Variants in GPHN observed in about 807,000 individuals in gnomAD.
GPHN encodes gephyrin.
GPHN carries 17 observed loss-of-function variants against 95.5 expected under a neutral mutation model. That is an observed-to-expected ratio of 0.18 (90% CI 0.12 to 0.27). The LOEUF is 0.27. Ranked by LOEUF, GPHN falls within the 10% of genes least tolerant of loss-of-function variation. GPHN has a pLI of 1.00. For missense variants in GPHN, 660 were observed against 978.1 expected, an observed-to-expected ratio of 0.67 and a Z score of 4.34; for synonymous variants, 320 against 322.5, an observed-to-expected ratio of 0.99 and a Z score of 0.08.
chr14:67,151,834 C>CTGT (rs978706101), intron 18 of GPHN, among the ~76,000 whole-genome samples: 1 of 151,888 alleles, frequency 6.6e-6, no homozygotes, highest in Non-Finnish European at 1.5e-5. Flanking sequence ...AGTAGAGATG[C>CTGT]TGTTTCACCA....
At chr14:67,568,338 G>A in the GPHN span, among the ~76,000 whole-genome samples, 1 of 149,824 alleles carries the variant, frequency 6.7e-6, no homozygotes, top group African/African-American at 2.5e-5. Flanking sequence ...GCAAACTAAC[G>A]TAGGAACAAG....
chr14:67,102,439 T>A (rs1019312953), intron 13 of GPHN, among the ~76,000 whole-genome samples: 3 of 151,916 alleles, frequency 2.0e-5, no homozygotes, highest in African/African-American at 4.8e-5. Context: ...GGCGGGCAGA[T>A]AACCTGAGTT....
Position 66,824,522 on chromosome 14 carries a change from A to G in GPHN, c.250A>G (p.Thr84Ala). 1 of 1,596,362 alleles carries G rather than the reference A, an allele frequency of 6.3e-7. No individual in the cohort carries two copies. Among genetic ancestry groups the G allele is most frequent in the Non-Finnish European group, 8.6e-7 (1 of 1,164,016 alleles). Residue 84 changes from threonine to alanine, a missense_variant, in exon 4 of 23, where the codon ACA (threonine) becomes GCA (alanine). By Grantham distance (58) the Thr-to-Ala change is moderately conservative. Coordinates refer to ENST00000478722, the MANE Select transcript of GPHN (RefSeq NM_020806.5). ...CDEKELNLIL[T>A]TGGTGFAPRD... is the part of the protein sequence containing the mutation. ...TGAAAAGGAACTTAATTTGATATTA[A>G]CAACTGGAGGAACAGGATTTGCACC... is the stretch of plus-strand genomic sequence containing the variant.
In GPHN at chr14:66,970,776, C is replaced by T. The variant is rs145191295; in HGVS notation, c.963+5451C>T. Reference sequence around the variant, plus strand: ...AATGACATTATAGAAATAGATTCTACACATACCGTCAACACACAACAAAAA... The same window carrying T: ...AATGACATTATAGAAATAGATTCTATACATACCGTCAACACACAACAAAAA... On this transcript the variant is annotated intron_variant, in intron 9 of 22. Transcript: ENST00000478722. 5.7e-3 allele frequency among the ~76,000 whole-genome samples: 865 copies of T among 152,284 alleles called. 5 individuals are homozygous for T. The highest frequency in any genetic ancestry group is 0.012 in the South Asian group (57 of 4,826).
intron 10 of GPHN, among the ~76,000 whole-genome samples, chr14:67,044,460 G>A (rs796228114): frequency 5.3e-5 from 8 of 152,178 alleles, no homozygotes; most frequent in African/African-American, 1.4e-4. Flanking sequence ...TTCTTTCCAG[G>A]TGAAGTAGAA....
chr14:66,557,009 C>A (rs542959444), intron 1 of GPHN, among the ~76,000 whole-genome samples: 1 of 151,938 alleles, frequency 6.6e-6, no homozygotes, highest in Admixed American at 6.6e-5. Flanking sequence ...ACCTGCTTGG[C>A]CAAGATGACA....
At chr14:67,400,745 C>T in the GPHN span, among the ~76,000 whole-genome samples, 6 of 151,706 alleles carry the variant, frequency 4.0e-5, 1 homozygote, top group African/African-American at 1.2e-4. Flanking sequence ...CCCAGCACTT[C>T]GGGAGGCCAA....
At chr14:67,631,874 A>AT in the GPHN span, among the ~76,000 whole-genome samples, 2 of 150,848 alleles carry the variant, frequency 1.3e-5, no homozygotes, top group South Asian at 4.2e-4. Flanking sequence ...CCAAAGCTCT[A>AT]TTTTTTTAAA....
intron 11 of GPHN, among the ~76,000 whole-genome samples, chr14:67,088,072 C>T (rs146114529): frequency 1.3e-5 from 2 of 152,206 alleles, no homozygotes; most frequent in Non-Finnish European, 2.9e-5. Context: ...TACTAGTGCT[C>T]TTCTTATAGG....
At chr14:67,380,244 T>C in the GPHN span, among the ~76,000 whole-genome samples, 1 of 152,218 alleles carries the variant, frequency 6.6e-6, no homozygotes, top group Non-Finnish European at 1.5e-5. Context: ...CATGAAGCCC[T>C]TCCTGACCTC....
the GPHN span, among the ~76,000 whole-genome samples, chr14:67,367,407 T>G: frequency 1.4e-4 from 21 of 152,180 alleles, no homozygotes; most frequent in African/African-American, 4.8e-4. Context: ...ATTTTTGTAT[T>G]TTTGGTAGAG....
chr14:66,527,546 T>G (rs529301445), intron 1 of GPHN, among the ~76,000 whole-genome samples: 1 of 152,140 alleles, frequency 6.6e-6, no homozygotes, highest in African/African-American at 2.4e-5. Context: ...CTAGTTCTTT[T>G]AATTGTGATG....
the GPHN span, among the ~76,000 whole-genome samples, chr14:67,261,210 A>C: frequency 4.6e-4 from 70 of 152,316 alleles, no homozygotes; most frequent in Admixed American, 8.5e-4. Context: ...TTGTGGTGGT[A>C]GGAGTGCTTC....
chr14:67,433,110 C>G, the GPHN span, among the ~76,000 whole-genome samples: 2 of 152,254 alleles, frequency 1.3e-5, no homozygotes, highest in South Asian at 4.1e-4. Context: ...TCTTCCTTAA[C>G]CAGCCATGTC....
At chr14:67,729,148 C>G in the GPHN span, 1 of 1,593,806 alleles carries the variant, frequency 6.3e-7, no homozygotes, top group Non-Finnish European at 8.6e-7. Context: ...TTTTCCTGGG[C>G]TCAGAGTGTG....
At chr14:67,650,941 G>A in the GPHN span, 3,433 of 1,608,654 alleles carry the variant, frequency 2.1e-3, 56 homozygotes, top group African/African-American at 0.04. Context: ...GCACTGACAT[G>A]TTTCACAACA....
At chr14:66,615,114 A>G (rs1359166078) in intron 1 of GPHN, among the ~76,000 whole-genome samples, 4 of 151,952 alleles carry the variant, frequency 2.6e-5, no homozygotes, top group African/African-American at 9.7e-5. Context: ...CCAGTCTATC[A>G]TTGGCATTTG....
intron 1 of GPHN, among the ~76,000 whole-genome samples, chr14:66,589,642 A>G (rs1469900245): frequency 6.6e-6 from 1 of 152,194 alleles, no homozygotes; most frequent in Non-Finnish European, 1.5e-5. Context: ...TATCCTAAAT[A>G]CATATGCACC....
At chr14:67,663,300 A>C in the GPHN span, 1 of 693,622 alleles carries the variant, frequency 1.4e-6, no homozygotes, top group Non-Finnish European at 2.3e-6. Context: ...TCCATCTAAA[A>C]TATGATAGCA....
Sources: allele counts gnomAD v4.1 joint callset (sites outside exome capture counted in the v4.1 genomes callset), GRCh38; gene constraint gnomAD v4.1.1; transcripts MANE v1.5; gene names NCBI Gene and HGNC (gene_info 2026-07-23, HGNC 2026-07-21).